The following C15orf40 variants were observed in gnomAD, a reference collection of about 807,000 sequenced individuals.
C15orf40 encodes UPF0235 protein C15orf40.
C15orf40 carries 9 observed loss-of-function variants against 13.9 expected under a neutral mutation model. That is an observed-to-expected ratio of 0.65 (90% confidence interval 0.39 to 1.13). The LOEUF is 1.13. C15orf40 is among the 50% of genes most tolerant of loss of function. The probability of loss-of-function intolerance (pLI) is 0.01; values close to 1 mark genes in which losing one functional copy is unlikely to be tolerated. For missense variants in C15orf40, 225 were observed against 188.5 expected (o/e 1.19, Z -1.13); for synonymous variants, 95 against 69.2 (o/e 1.37, Z -1.85).
rs947685945 is a variant in C15orf40 at position 83,003,492 on chromosome 15, A to G, written c.*2105T>C. On this transcript the variant is annotated 3_prime_UTR_variant, in exon 4 of 4. Transcript: ENST00000304177. ...AACAGTGATCCATGTAAAATCCACA[A>G]GTAAAACGGCTTTACAGCACACATG... 6.6e-6 allele frequency: 1 copy of G among 152,208 alleles called. No individual in the cohort carries two copies. Among genetic ancestry groups the G allele is most frequent in the Non-Finnish European group, 1.5e-5 (1 of 68,038 alleles). 9.4% of individuals were successfully genotyped at this position (152,208 alleles called of 1,614,324 possible). A position where few individuals can be genotyped will look rare whatever the true frequency, so the allele number is the denominator to read the frequency against.
At position 83,005,130 on chromosome 15, in the gene C15orf40, G is replaced by GTA; in HGVS notation, c.*465_*466dup. 9.2e-7 allele frequency: 1 copy of GTA among 1,084,422 alleles called. No individual in the cohort carries two copies. Among genetic ancestry groups the GTA allele is most frequent in the Non-Finnish European group, 1.1e-6 (1 of 880,220 alleles). 67.2% of individuals were successfully genotyped at this position (1,084,422 alleles called of 1,614,324 possible). A position where few individuals can be genotyped will look rare whatever the true frequency, so the allele number is the denominator to read the frequency against. On this transcript the variant is annotated 3_prime_UTR_variant, in exon 4 of 4. Transcript: ENST00000304177. ...TTGGGATTTTAGAACCTGATGCAAT[G>GTA]TATAGCACTTTTTAAATTTCTACTT...
intron 3 of C15orf40, chr15:83,008,187 G>T (rs946400747): frequency 9.0e-6 from 2 of 222,204 alleles, no homozygotes; most frequent in Non-Finnish European, 1.8e-5. Flanking sequence ...GCGAGACTCC[G>T]TCTCAAAAAA....
intron 1 of C15orf40, 128 bp from the exon 2 acceptor site, chr15:83,010,491 T>C (rs1251619637): frequency 9.1e-7 from 1 of 1,095,294 alleles, no homozygotes; most frequent in African/African-American, 1.6e-5. Context: ...CAGGGACTTC[T>C]GGCCACCTAG....
At chr15:82,990,718 G>T, downstream of C15orf40, 24 of 1,334,828 alleles carry the variant, frequency 1.8e-5, no homozygotes, top group Non-Finnish European at 2.4e-5. Context: ...TTGGGATAAG[G>T]GTACACATCA....
chr15:83,007,159 T>TC (rs2031731858), intron 3 of C15orf40, among the ~76,000 whole-genome samples: 1 of 152,170 alleles, frequency 6.6e-6, no homozygotes, highest in Admixed American at 6.5e-5. Flanking sequence ...GTGACTTTGA[T>TC]CTCCACCCCT....
At chr15:82,993,758 T>C (rs1393651405), downstream of C15orf40, among the ~76,000 whole-genome samples, 1 of 152,168 alleles carries the variant, frequency 6.6e-6, no homozygotes, top group Non-Finnish European at 1.5e-5. Flanking sequence ...TGAGCCGAGA[T>C]TGTGCCACTG....
Position 83,000,928 on chromosome 15 carries a change from T to G in C15orf40, c.*4669A>C, listed in dbSNP as rs2031391353. 5.4e-6 allele frequency: 1 copy of G among 186,172 alleles called. No homozygotes were observed. 11.5% of individuals were successfully genotyped at this position (186,172 alleles called of 1,614,324 possible). Reference sequence around the variant, plus strand: ...CCTGGGTTCAAGCAATTCTCAGGCCTCAGCCTCCCAAGTAGCTGGGACTAC... The same window carrying G: ...CCTGGGTTCAAGCAATTCTCAGGCCGCAGCCTCCCAAGTAGCTGGGACTAC... On this transcript the variant is annotated 3_prime_UTR_variant, in exon 4 of 4. Transcript: ENST00000304177.
chr15:83,004,467 T>A lies in C15orf40; in HGVS notation c.*1130A>T, dbSNP rs1044490480. 3 of 826,008 alleles carry A rather than the reference T, an allele frequency of 3.6e-6. No homozygotes were observed. The highest frequency in any genetic ancestry group is 4.4e-6 in the Non-Finnish European group (3 of 684,662). 51.2% of individuals were successfully genotyped at this position (826,008 alleles called of 1,614,324 possible). A position where few individuals can be genotyped will look rare whatever the true frequency, so the allele number is the denominator to read the frequency against. On this transcript the variant is annotated 3_prime_UTR_variant, in exon 4 of 4. Transcript: ENST00000304177. ...AACTTGACCTGAAGATGTAAAAATA[T>A]ATTATTAGCTTTTGAAACTTTAATA...
At chr15:82,992,434 T>C (rs973480966), downstream of C15orf40, among the ~76,000 whole-genome samples, 1 of 151,900 alleles carries the variant, frequency 6.6e-6, no homozygotes, top group East Asian at 1.9e-4. Flanking sequence ...GAGAATCACT[T>C]GAACCTGGGA....
intron 3 of C15orf40, chr15:83,008,301 T>C (rs750435712): frequency 4.9e-6 from 2 of 407,190 alleles, no homozygotes; most frequent in Non-Finnish European, 9.1e-6. Flanking sequence ...GGTGGATCAT[T>C]TGAGGTCAGG....
chr15:83,000,230 A>G lies in C15orf40; in HGVS notation c.*5367T>C, dbSNP rs988206442. 1.3e-5 allele frequency: 2 copies of G among 152,212 alleles called. No homozygotes were observed. The highest frequency in any genetic ancestry group is 4.1e-4 in the South Asian group (2 of 4,828). 9.4% of individuals were successfully genotyped at this position (152,212 alleles called of 1,614,324 possible). A position where few individuals can be genotyped will look rare whatever the true frequency, so the allele number is the denominator to read the frequency against. ...AGTCTATTTGGCAGTTGTGTTCTTC[A>G]CTCAAGTTAATAAGCTGGCATCTTG... is the stretch of plus-strand genomic sequence containing the variant. On this transcript the variant is annotated 3_prime_UTR_variant, in exon 4 of 4. Transcript: ENST00000304177.
At chr15:82,991,885 C>T (rs1346735570), downstream of C15orf40, 2 of 1,288,542 alleles carry the variant, frequency 1.6e-6, no homozygotes, top group East Asian at 5.6e-5. Flanking sequence ...GTCCTGACTA[C>T]ACCCCAGAAT....
At chr15:83,008,518 CAAA>C (rs373204607) in intron 3 of C15orf40, 27 bp downstream of exon 3, 204 of 1,435,468 alleles carry the variant, frequency 1.4e-4, no homozygotes, top group East Asian at 3.3e-4. Context: ...GATTTTGTCT[CAAA>C]AAAAAAAAAA....
At chr15:83,008,282 G>A in intron 3 of C15orf40, 1 of 383,956 alleles carries the variant, frequency 2.6e-6, no homozygotes, top group Non-Finnish European at 4.9e-6. Context: ...GCTTCGGGAG[G>A]AGAAGGCAGG....
At chr15:83,009,086 GGGTTT>G in intron 2 of C15orf40, among the ~76,000 whole-genome samples, 1 of 152,180 alleles carries the variant, frequency 6.6e-6, no homozygotes, top group East Asian at 1.9e-4. Flanking sequence ...AGGTTGTGCA[GGGTTT>G]CCTCAACAGG....
At position 83,005,336 on chromosome 15, in the gene C15orf40, G is replaced by A. The variant is rs549904311; in HGVS notation, c.*261C>T. The stretch of plus-strand genomic sequence containing the variant: ...TTTCACTCTTGTTGCCCAGGCTGGA[G>A]TGCAACGGCGCGATCTCGGCTTACT... On this transcript the variant is annotated 3_prime_UTR_variant, in exon 4 of 4. Coordinates refer to ENST00000304177, the MANE Select transcript of C15orf40 (RefSeq NM_144597.3). 3 of 899,390 alleles carry A rather than the reference G, an allele frequency of 3.3e-6. No individual in the cohort carries two copies. Among genetic ancestry groups the A allele is most frequent in the East Asian group, 1.9e-4 (2 of 10,614 alleles). The allele number at this position is 899,390 out of a possible 1,614,324, so 55.7% of individuals were successfully genotyped here.
At chr15:82,993,488 G>A (rs1238386442), downstream of C15orf40, among the ~76,000 whole-genome samples, 2 of 152,158 alleles carry the variant, frequency 1.3e-5, no homozygotes, top group African/African-American at 2.4e-5. Flanking sequence ...TTCAAATGTG[G>A]AAGATGGTTT....
At chr15:83,011,119 C>A (rs776536577) in intron 1 of C15orf40, 10 of 189,466 alleles carry the variant, frequency 5.3e-5, no homozygotes, top group Non-Finnish European at 9.7e-5. Flanking sequence ...GGGGTGCGAT[C>A]AGCCAAAGCA....
chr15:82,989,654 T>C (rs2030773438), downstream of C15orf40, among the ~76,000 whole-genome samples: 1 of 152,236 alleles, frequency 6.6e-6, no homozygotes, highest in African/African-American at 2.4e-5. Context: ...ATTGGTTATA[T>C]AGTCTGCCTA....
Sources: allele counts gnomAD v4.1 joint callset (sites outside exome capture counted in the v4.1 genomes callset), GRCh38; gene constraint gnomAD v4.1.1; transcripts MANE v1.5; gene names NCBI Gene and HGNC (gene_info 2026-07-23, HGNC 2026-07-21).